Variants in MAGI1 observed in about 807,000 individuals in gnomAD.
MAGI1 encodes membrane-associated guanylate kinase, WW and PDZ domain-containing protein 1.
Under a neutral mutation model 139.9 loss-of-function variants are expected in MAGI1, and 58 were observed. That is an observed-to-expected ratio of 0.41 (90% CI 0.34 to 0.52). MAGI1 has a LOEUF of 0.52. Ranked by LOEUF, MAGI1 falls within the 20% of genes least tolerant of loss-of-function variation. The pLI, the probability that MAGI1 is intolerant of heterozygous loss-of-function variation, is 0.12. For missense variants in MAGI1, 1,874 were observed against 1,901.6 expected (o/e 0.99, Z 0.27); for synonymous variants, 812 against 737.9 (o/e 1.10, Z -1.63).
intron 2 of MAGI1, among the ~76,000 whole-genome samples, chr3:65,596,654 T>C (rs1476326859): frequency 6.6e-6 from 1 of 152,144 alleles, no homozygotes; most frequent in Non-Finnish European, 1.5e-5. Context: ...CATTGCCCCC[T>C]GGTACCCAGG....
chr3:65,730,225 G>C (rs903513021), intron 1 of MAGI1, among the ~76,000 whole-genome samples: 2 of 152,120 alleles, frequency 1.3e-5, no homozygotes, highest in Admixed American at 1.3e-4. Context: ...AGCTTAAACA[G>C]TTAGTGGCTT....
chr3:66,032,283 C>T (rs537032892), intron 1 of MAGI1, among the ~76,000 whole-genome samples: 20 of 152,132 alleles, frequency 1.3e-4, no homozygotes, highest in Non-Finnish European at 2.8e-4. Context: ...GCGATCTCAG[C>T]TCACTGCAAC....
intron 1 of MAGI1, among the ~76,000 whole-genome samples, chr3:65,801,706 A>T (rs557634628): frequency 6.6e-6 from 1 of 152,232 alleles, no homozygotes; most frequent in African/African-American, 2.4e-5. Context: ...GGAACCTAAC[A>T]TGACAGTAAT....
At chr3:65,584,234 AT>A (rs1441865258) in intron 2 of MAGI1, among the ~76,000 whole-genome samples, 1 of 152,176 alleles carries the variant, frequency 6.6e-6, no homozygotes, top group Non-Finnish European at 1.5e-5. Flanking sequence ...AGTTGGAACA[AT>A]GGTTTTCAGG....
intron 1 of MAGI1, among the ~76,000 whole-genome samples, chr3:65,808,106 C>T (rs921527504): frequency 1.3e-5 from 2 of 151,970 alleles, no homozygotes; most frequent in East Asian, 2.0e-4. Context: ...CAGCCTCCGC[C>T]TCCCGAGTAG....
intron 1 of MAGI1, among the ~76,000 whole-genome samples, chr3:65,678,412 T>C (rs1358739483): frequency 1.3e-5 from 2 of 152,206 alleles, no homozygotes; most frequent in African/African-American, 4.8e-5. Context: ...TTTGCATTTT[T>C]CTTAAGTATC....
chr3:65,953,233 T>G (rs769974358), intron 1 of MAGI1, among the ~76,000 whole-genome samples: 1 of 152,144 alleles, frequency 6.6e-6, no homozygotes, highest in Non-Finnish European at 1.5e-5. Flanking sequence ...AAATTAAAAC[T>G]AGATAAGTAA....
At chr3:65,439,428 G>C (rs547899984) in intron 9 of MAGI1, among the ~76,000 whole-genome samples, 1 of 152,244 alleles carries the variant, frequency 6.6e-6, no homozygotes, top group African/African-American at 2.4e-5. Context: ...CAAAGAGCAT[G>C]AATTAGTCTG....
At chr3:66,034,993 T>C (rs2068839485) in intron 1 of MAGI1, among the ~76,000 whole-genome samples, 3 of 152,310 alleles carry the variant, frequency 2.0e-5, no homozygotes, top group African/African-American at 4.8e-5. Context: ...CATGAGTGCA[T>C]ACATCGCTTA....
chr3:65,892,457 C>A (rs903871381), intron 1 of MAGI1, among the ~76,000 whole-genome samples: 2 of 152,068 alleles, frequency 1.3e-5, no homozygotes, highest in African/African-American at 4.8e-5. Flanking sequence ...AAGTGGCATA[C>A]CAACATTTTA....
chr3:65,855,191 T>C (rs2059333281), intron 1 of MAGI1, among the ~76,000 whole-genome samples: 1 of 151,354 alleles, frequency 6.6e-6, no homozygotes, highest in South Asian at 2.1e-4. Flanking sequence ...AAGATGCCAT[T>C]ATAAGCAGGA....
At chr3:65,695,918 G>C (rs2089142643) in intron 1 of MAGI1, among the ~76,000 whole-genome samples, 1 of 152,198 alleles carries the variant, frequency 6.6e-6, no homozygotes, top group South Asian at 2.1e-4. Context: ...CATCACCTAA[G>C]ATACTTTCCT....
intron 1 of MAGI1, among the ~76,000 whole-genome samples, chr3:65,946,538 C>T (rs117610346): frequency 9.9e-5 from 15 of 152,052 alleles, no homozygotes; most frequent in African/African-American, 1.4e-4. Flanking sequence ...TCAGCATGGA[C>T]GAGAACAGCC....
chr3:65,569,997 A>G (rs1203804981), intron 2 of MAGI1, among the ~76,000 whole-genome samples: 1 of 151,306 alleles, frequency 6.6e-6, no homozygotes, highest in African/African-American at 2.4e-5. Context: ...CATTAGAAAG[A>G]TGAGAGGTAG....
At chr3:65,878,332 T>C (rs2060195786) in intron 1 of MAGI1, among the ~76,000 whole-genome samples, 1 of 151,964 alleles carries the variant, frequency 6.6e-6, no homozygotes, top group South Asian at 2.1e-4. Flanking sequence ...GCCTGGCCAA[T>C]ATGGTGAAAC....
intron 1 of MAGI1, among the ~76,000 whole-genome samples, chr3:65,922,342 A>G (rs1314252373): frequency 6.6e-6 from 1 of 152,192 alleles, no homozygotes; most frequent in East Asian, 1.9e-4. Context: ...TGCAGATATA[A>G]TCAGTTGAGG....
chr3:65,476,900 G>C (rs1054559948), intron 4 of MAGI1, among the ~76,000 whole-genome samples: 1 of 152,126 alleles, frequency 6.6e-6, no homozygotes, highest in African/African-American at 2.4e-5. Flanking sequence ...TAAAACATAG[G>C]TACAAGGTGG....
chr3:65,934,093 C>T (rs2062933683), intron 1 of MAGI1, among the ~76,000 whole-genome samples: 1 of 152,108 alleles, frequency 6.6e-6, no homozygotes, highest in Non-Finnish European at 1.5e-5. Flanking sequence ...TGCACTCCAG[C>T]CTGGGCACGA....
intron 1 of MAGI1, among the ~76,000 whole-genome samples, chr3:65,661,415 G>C (rs1264024191): frequency 6.6e-6 from 1 of 152,104 alleles, no homozygotes. Flanking sequence ...ATTTAAAATG[G>C]CATCTTGGTT....
Sources: allele counts gnomAD v4.1 joint callset (sites outside exome capture counted in the v4.1 genomes callset), GRCh38; gene constraint gnomAD v4.1.1; transcripts MANE v1.5; gene names NCBI Gene and HGNC (gene_info 2026-07-23, HGNC 2026-07-21).